The following DIAPH2 variants were observed in gnomAD, a reference collection of about 807,000 sequenced individuals.
The protein encoded by DIAPH2 is protein diaphanous homolog 2.
A neutral mutation model predicts 92.7 loss-of-function variants in DIAPH2; 35 were observed. That is an observed-to-expected ratio of 0.38 (90% CI 0.29 to 0.50). DIAPH2 has a LOEUF of 0.50. Among genes scored for constraint, DIAPH2 ranks in the 20% least tolerant of loss-of-function variants. The pLI, the probability that DIAPH2 is intolerant of heterozygous loss-of-function variation, is 0.94. For synonymous variants in DIAPH2, 301 were observed against 280.4 expected, an observed-to-expected ratio of 1.07 and a Z score of -0.73; for missense variants, 701 against 819.5, an observed-to-expected ratio of 0.86 and a Z score of 1.77.
At chrX:97,430,179 G>A (rs2070111637) in intron 26 of DIAPH2, among the ~76,000 whole-genome samples, 1 of 111,819 alleles carries the variant, frequency 8.9e-6, no homozygotes, top group South Asian at 3.7e-4. Context: ...AGTGCAGTCT[G>A]TTCTCTGTGA....
intron 21 of DIAPH2, among the ~76,000 whole-genome samples, chrX:97,121,479 A>G (rs2067057693): frequency 8.9e-6 from 1 of 112,097 alleles, no homozygotes; most frequent in Non-Finnish European, 1.9e-5. Context: ...AGTGTCTATT[A>G]TATGTGAAGC....
rs982604149 is a variant in DIAPH2 at position 96,817,655 on chromosome X, G to A, written c.447+59397G>A. ...CTGAGATCAGAGTGCCAAGGTGGTC[G>A]GGTTCTGGTGGTCTGGGTTGCAGAC... is the stretch of plus-strand genomic sequence containing the variant. On this transcript the variant is annotated intron_variant, in intron 4 of 26. Transcript: ENST00000324765. 2.7e-5 allele frequency among the ~76,000 whole-genome samples: 3 copies of A among 110,680 alleles called. No individual in the cohort carries two copies. In the Admixed American group the frequency reaches 2.9e-4, roughly 11 times the overall value.
At chrX:97,357,591 A>G (rs370043663) in intron 24 of DIAPH2, among the ~76,000 whole-genome samples, 101 of 110,301 alleles carry the variant, frequency 9.2e-4, no homozygotes, top group African/African-American at 3.3e-3. Context: ...AGCACATTTT[A>G]CCCTGTAATA....
chrX:96,925,883 G>T (rs977163053), intron 9 of DIAPH2, among the ~76,000 whole-genome samples: 1 of 111,239 alleles, frequency 9.0e-6, no homozygotes, highest in African/African-American at 3.3e-5. Context: ...CATGACTTCC[G>T]TTGGCTTGGA....
chrX:97,586,940 CA>C (rs2071482899), intron 26 of DIAPH2, among the ~76,000 whole-genome samples: 1 of 112,256 alleles, frequency 8.9e-6, no homozygotes, highest in Admixed American at 9.5e-5. Flanking sequence ...CAAACTGACT[CA>C]CTGAGAACTA....
chrX:97,056,772 A>G (rs1457718905), intron 17 of DIAPH2, among the ~76,000 whole-genome samples: 1 of 111,762 alleles, frequency 8.9e-6, no homozygotes, highest in Non-Finnish European at 1.9e-5. Flanking sequence ...GGTGCCTATT[A>G]AGTGCCAGTC....
intron 25 of DIAPH2, among the ~76,000 whole-genome samples, chrX:97,391,688 A>G (rs755779626): frequency 3.1e-4 from 35 of 111,426 alleles, no homozygotes; most frequent in Non-Finnish European, 6.0e-4. Flanking sequence ...TTTTTTTAAC[A>G]CATCTATTGC....
chrX:97,185,351 A>ATGTATATATATATGTATATATATG, intron 22 of DIAPH2, among the ~76,000 whole-genome samples: 1 of 2,079 alleles, frequency 4.8e-4, no homozygotes, highest in African/African-American at 1.6e-3. Flanking sequence ...GTATATATAT[A>ATGTATATATATATGTATATATATG]TGTGTGTATA....
intron 26 of DIAPH2, among the ~76,000 whole-genome samples, chrX:97,542,689 C>CA (rs2071149223): frequency 9.0e-6 from 1 of 111,270 alleles, no homozygotes; most frequent in East Asian, 2.8e-4. Context: ...TCAGTGACAC[C>CA]ATGGCCAAGG....
intron 25 of DIAPH2, among the ~76,000 whole-genome samples, chrX:97,428,027 T>A (rs1403890389): frequency 9.0e-6 from 1 of 110,986 alleles, no homozygotes; most frequent in Non-Finnish European, 1.9e-5. Flanking sequence ...CTTTCCATGT[T>A]TACTCAATGG....
At chrX:96,868,886 G>A (rs969227913) in intron 4 of DIAPH2, among the ~76,000 whole-genome samples, 1 of 111,630 alleles carries the variant, frequency 9.0e-6, no homozygotes, top group African/African-American at 3.3e-5. Context: ...TAATCAATGT[G>A]TGTGCAGAGA....
At chrX:97,222,878 G>A (rs1332798754) in intron 22 of DIAPH2, among the ~76,000 whole-genome samples, 1 of 111,637 alleles carries the variant, frequency 9.0e-6, no homozygotes, top group African/African-American at 3.3e-5. Flanking sequence ...CTGGCATGCA[G>A]TGGGATTATC....
chrX:97,253,518 C>T (rs186740141), intron 23 of DIAPH2, among the ~76,000 whole-genome samples: 137 of 109,021 alleles, frequency 1.3e-3, no homozygotes, highest in African/African-American at 4.2e-3. Context: ...GAGGCCGAGG[C>T]GGGTGGATGA....
At chrX:96,830,297 C>T (rs1029729049) in intron 4 of DIAPH2, among the ~76,000 whole-genome samples, 2 of 110,690 alleles carry the variant, frequency 1.8e-5, no homozygotes, top group South Asian at 3.8e-4. Context: ...GTGGGCCAGG[C>T]GTGGTGGCTC....
chrX:96,896,415 T>C (rs1443003518), intron 5 of DIAPH2, among the ~76,000 whole-genome samples: 2 of 111,808 alleles, frequency 1.8e-5, no homozygotes, highest in Non-Finnish European at 3.8e-5. Context: ...CTGGATTCTA[T>C]TGTTTTACTA....
At chrX:96,935,352 G>A (rs1260166505) in intron 10 of DIAPH2, among the ~76,000 whole-genome samples, 1 of 111,281 alleles carries the variant, frequency 9.0e-6, no homozygotes, top group Non-Finnish European at 1.9e-5. Context: ...ATATATATGT[G>A]TATGTATATA....
chrX:97,423,674 T>G (rs2070032647), intron 25 of DIAPH2, among the ~76,000 whole-genome samples: 1 of 111,573 alleles, frequency 9.0e-6, no homozygotes, highest in African/African-American at 3.3e-5. Flanking sequence ...ATCTGTGACT[T>G]TCAAGCTGAG....
intron 8 of DIAPH2, among the ~76,000 whole-genome samples, chrX:96,917,224 T>C (rs1010186232): frequency 2.6e-4 from 29 of 111,333 alleles, no homozygotes; most frequent in Non-Finnish European, 3.8e-5. Context: ...ATCAAATATC[T>C]GCTAAGGACC....
chrX:96,773,949 CTG>C (rs2064358171), intron 4 of DIAPH2, among the ~76,000 whole-genome samples: 2 of 112,011 alleles, frequency 1.8e-5, no homozygotes, highest in East Asian at 2.8e-4. Context: ...GTGTTCCAGT[CTG>C]TGGTATTTTA....
Sources: allele counts gnomAD v4.1 joint callset (sites outside exome capture counted in the v4.1 genomes callset), GRCh38; gene constraint gnomAD v4.1.1; transcripts MANE v1.5; gene names NCBI Gene and HGNC (gene_info 2026-07-23, HGNC 2026-07-21).